Variants in PAX2 observed in about 807,000 individuals in gnomAD.
The protein encoded by PAX2 is paired box protein Pax-2.
A neutral mutation model predicts 41.7 loss-of-function variants in PAX2; 9 were observed. The ratio of observed to expected loss-of-function variants is 0.22; its 90% CI spans 0.13 to 0.38. The LOEUF is 0.38. Among genes scored for constraint, PAX2 ranks in the 10% least tolerant of loss-of-function variants. The pLI is 1.00. For synonymous variants in PAX2, 221 were observed against 212.7 expected (o/e 1.04, Z -0.34); for missense variants, 418 against 531.6 (o/e 0.79, Z 2.10).
Position 100,775,563 on chromosome 10 carries a change from G to A in PAX2, c.411-3935G>A, listed in dbSNP as rs35113844. ...AGGGAGTAGTGATTTTCCATCACTC[G>A]CTGCCTCAGCTAAATTTGCGCCAGT... On this transcript the variant is annotated intron_variant, in intron 3 of 9. Transcript: ENST00000355243. Among the ~76,000 whole-genome samples, 351 of 152,228 alleles carry A rather than the reference G, an allele frequency of 2.3e-3. 2 individuals carry two copies. The highest frequency in any genetic ancestry group is 2.8e-3 in the Non-Finnish European group (193 of 68,022).
chr10:100,800,222 C>T (rs1397333291), intron 5 of PAX2, among the ~76,000 whole-genome samples: 2 of 151,920 alleles, frequency 1.3e-5, no homozygotes, highest in African/African-American at 2.4e-5. Flanking sequence ...TCTGCCCAAG[C>T]AAATGACATC....
chr10:100,773,208 G>A (rs1846271876), intron 3 of PAX2, among the ~76,000 whole-genome samples: 1 of 152,230 alleles, frequency 6.6e-6, no homozygotes. Context: ...TAAGGATTGA[G>A]TGAACTATTT....
chr10:100,823,917 A>G (rs1848452465), intron 7 of PAX2, among the ~76,000 whole-genome samples: 1 of 152,214 alleles, frequency 6.6e-6, no homozygotes, highest in African/African-American at 2.4e-5. Context: ...CTCCAGGGAC[A>G]GAAGTCCAGC....
chr10:100,780,355 C>T (rs1846568186), intron 4 of PAX2, among the ~76,000 whole-genome samples: 1 of 152,232 alleles, frequency 6.6e-6, no homozygotes, highest in Non-Finnish European at 1.5e-5. Flanking sequence ...AAACTTGGTG[C>T]TACTGTAGCC....
At position 100,750,688 on chromosome 10, in the gene PAX2, G is replaced by A; in HGVS notation, c.213-6G>A. 1.9e-6 allele frequency: 3 copies of A among 1,613,792 alleles called. No homozygotes were observed. Among genetic ancestry groups the A allele is most frequent in the South Asian group, 1.1e-5 (1 of 91,082 alleles). ...CTGGCTGACCCCGCCGGCTTTCCCGGCGCAGGTACTACGAGACCGGCAGCA... is the reference window on the plus strand; with the variant it reads ...CTGGCTGACCCCGCCGGCTTTCCCGACGCAGGTACTACGAGACCGGCAGCA... On this transcript the variant is annotated splice_region_variant and splice_polypyrimidine_tract_variant and intron_variant, in intron 2 of 9. Coordinates refer to ENST00000355243, the MANE Select transcript of PAX2 (RefSeq NM_000278.5). The surrounding 1 kb of genome is among the most constrained non-coding windows in gnomAD (Gnocchi z 4.1).
In PAX2 at chr10:100,737,882, T is replaced by C. The variant is rs1844829475; in HGVS notation, c.25+2149T>C. Among the ~76,000 whole-genome samples, 3 of 151,936 alleles carry C rather than the reference T, an allele frequency of 2.0e-5. No individual in the cohort carries two copies. In the South Asian group the frequency reaches 6.2e-4, roughly 32 times the overall value. ...CAGCCGGGTTTGCGAAGGATGCGGG[T>C]TTTACTTAGTCTCGCTGAGCCTGTT... On this transcript the variant is annotated intron_variant, in intron 1 of 9. Coordinates refer to the PAX2 transcript ENST00000679374.
intron 4 of PAX2, among the ~76,000 whole-genome samples, chr10:100,780,298 C>T (rs1783184972): frequency 6.6e-6 from 1 of 152,200 alleles, no homozygotes; most frequent in Non-Finnish European, 1.5e-5. Context: ...TAACACTCCT[C>T]CTCTGTCCCC....
chr10:100,813,088 C>CCA (rs1564741006), intron 7 of PAX2, among the ~76,000 whole-genome samples: 1 of 152,228 alleles, frequency 6.6e-6, no homozygotes, highest in Admixed American at 6.5e-5. Flanking sequence ...TTGCACTGGA[C>CCA]CACATTCAAA....
chr10:100,742,843 C>CCTTTTTT (rs1845014342), upstream of PAX2, among the ~76,000 whole-genome samples: 1 of 41,206 alleles, frequency 2.4e-5, no homozygotes, highest in African/African-American at 1.0e-4. Context: ...TTCTTTCTTC[C>CCTTTTTT]TTTTTTTTTT....
intron 3 of PAX2, among the ~76,000 whole-genome samples, chr10:100,773,618 G>T (rs1368218377): frequency 6.6e-6 from 1 of 152,108 alleles, no homozygotes; most frequent in Non-Finnish European, 1.5e-5. Context: ...TTTGTAAAAA[G>T]TTCCCGGTCT....
rs1589848170 is a variant in PAX2 at position 100,781,323 on chromosome 10, G to C, written c.574G>C (p.Gly192Arg). The change falls in exon 5 of 10, where the codon GGG becomes CGG. Residue 192 changes from glycine to arginine, a missense_variant. By Grantham distance (125) the Gly-to-Arg change is moderately radical (BLOSUM62 -2). This residue lies in a region of PAX2 where 310 missense variants were observed against 325.2 expected (regional missense o/e 0.95). Transcript: ENST00000355243. ...VGSYSINGIL[G>R]IPRSNGEKRK... ...ATCCTACTCCATCAATGGGATCCTG[G>C]GGATTCCTCGCTCCAATGGTGAGAA... is the stretch of plus-strand genomic sequence containing the variant. The C allele has an allele frequency of 6.2e-7, 1 of 1,613,840 alleles. No individual in the cohort carries two copies.
intron 5 of PAX2, among the ~76,000 whole-genome samples, chr10:100,802,476 A>G (rs1847598379): frequency 6.6e-6 from 1 of 152,334 alleles, no homozygotes; most frequent in East Asian, 1.9e-4. Context: ...GTCAGAGCTG[A>G]TGCTGTTAGA....
At chr10:100,735,522 G>A (rs1844757913) in exon 1 of PAX2, 1 of 308,884 alleles carries the variant, frequency 3.2e-6, no homozygotes, top group Non-Finnish European at 5.3e-6. Context: ...GAGTGAGAGA[G>A]CGGGCGCGGG....
chr10:100,746,315 C>A lies in PAX2; in HGVS notation c.43+12C>A. On this transcript the variant is annotated intron_variant, in intron 1 of 9. Transcript: ENST00000355243. ...CTCCGCGATGCACCGTGAGTACCGG[C>A]GCCCGGCTCCTGTCCCGGCTCGGGG... 1 of 1,544,706 alleles carries A rather than the reference C, an allele frequency of 6.5e-7. No individual in the cohort carries two copies. The highest frequency in any genetic ancestry group is 1.4e-5 in the African/African-American group (1 of 73,498).
intron 5 of PAX2, among the ~76,000 whole-genome samples, chr10:100,801,730 C>G (rs767510684): frequency 2.0e-5 from 3 of 152,200 alleles, no homozygotes; most frequent in Admixed American, 2.0e-4. Context: ...CGAGGGATGC[C>G]GAGAGGAAGG....
At chr10:100,813,254 G>A (rs1848060632) in intron 7 of PAX2, among the ~76,000 whole-genome samples, 1 of 152,266 alleles carries the variant, frequency 6.6e-6, no homozygotes, top group Non-Finnish European at 1.5e-5. Flanking sequence ...TTGAGCAAGT[G>A]CAGCTCTCAC....
Position 100,826,995 on chromosome 10 carries a change from C to G in PAX2, c.1022-14C>G, listed in dbSNP as rs750498001. ...TTGCAGGCGTCTGATCCCCACTCCC[C>G]GACCCTCCCGCAGGGAGCGAGTTCT... On this transcript the variant is annotated splice_polypyrimidine_tract_variant and intron_variant, in intron 8 of 9. Coordinates refer to ENST00000355243, the MANE Select transcript of PAX2 (RefSeq NM_000278.5). The surrounding 1 kb of genome is among the most constrained non-coding windows in gnomAD (Gnocchi z 5.5). 1 of 1,600,234 alleles carries G rather than the reference C, an allele frequency of 6.2e-7. No homozygotes were observed. The highest frequency in any genetic ancestry group is 2.2e-5 in the East Asian group (1 of 44,782).
Position 100,749,692 on chromosome 10 carries a change from T to C in PAX2, c.44-54T>C, listed in dbSNP as rs746316795. On this transcript the variant is annotated intron_variant, in intron 1 of 9. Coordinates refer to ENST00000355243, the MANE Select transcript of PAX2 (RefSeq NM_000278.5). Reference sequence around the variant, plus strand: ...GTCCCGGGCCGCGGACCCTGACTAATGGCCGGTCCCTGCTGTGTGTGGGGT... The same window carrying C: ...GTCCCGGGCCGCGGACCCTGACTAACGGCCGGTCCCTGCTGTGTGTGGGGT... The C allele has an allele frequency of 6.4e-6, 10 of 1,574,526 alleles. No homozygotes were observed. In the South Asian group the frequency reaches 1.0e-4, roughly 17 times the overall value.
In PAX2 at chr10:100,806,457, G is replaced by A; in HGVS notation, c.644G>A (p.Gly215Glu). 6.2e-7 allele frequency: 1 copy of A among 1,614,244 alleles called. No individual in the cohort carries two copies. Among genetic ancestry groups the A allele is most frequent in the South Asian group, 1.1e-5 (1 of 91,088 alleles). ...GTGTCTGAGGGCTCAGTCCCCAATG[G>A]AGATTCCCAGAGTGGTGTGGACAGT... is the stretch of plus-strand genomic sequence containing the variant. ...EDVSEGSVPN[G>E]DSQSGVDSLR... is the part of the protein sequence containing the mutation. Residue 215 changes from glycine to glutamate, a missense_variant, in exon 6 of 10, where the codon GGA becomes GAA. Coordinates refer to ENST00000355243, the MANE Select transcript of PAX2 (RefSeq NM_000278.5).
Sources: allele counts gnomAD v4.1 joint callset (sites outside exome capture counted in the v4.1 genomes callset), GRCh38; gene constraint gnomAD v4.1.1; regional missense constraint gnomAD v4.1.1; non-coding constraint Gnocchi (gnomAD v3.1); transcripts MANE v1.5; gene names NCBI Gene and HGNC (gene_info 2026-07-23, HGNC 2026-07-21).